Variants in MAP2 observed in about 807,000 individuals in gnomAD.
MAP2 encodes the protein microtubule associated protein 2, also known as microtubule-associated protein 2.
Under a neutral mutation model 137.6 loss-of-function variants are expected in MAP2, and 14 were observed. The ratio of observed to expected loss-of-function variants is 0.10; its 90% CI spans 0.07 to 0.16. The LOEUF is 0.16. Ranked by LOEUF, MAP2 falls within the 10% of genes least tolerant of loss-of-function variation. The pLI is 1.00. For missense variants in MAP2, 2,088 were observed against 2,191.5 expected (o/e 0.95, Z 0.94); for synonymous variants, 786 against 782.3 (o/e 1.00, Z -0.08).
At chr2:209,661,850 C>A (rs183378100) in intron 5 of MAP2, among the ~76,000 whole-genome samples, 4 of 152,188 alleles carry the variant, frequency 2.6e-5, no homozygotes, top group African/African-American at 9.6e-5. Context: ...GTCTTTTATT[C>A]TTGATACAAT....
chr2:209,686,097 G>C (rs2056910993), intron 7 of MAP2, among the ~76,000 whole-genome samples: 1 of 152,204 alleles, frequency 6.6e-6, no homozygotes, highest in African/African-American at 2.4e-5. Context: ...TAGGACATGT[G>C]ACAAGCCAGG....
At chr2:209,456,250 A>C (rs1283287362) in intron 1 of MAP2, among the ~76,000 whole-genome samples, 1 of 152,156 alleles carries the variant, frequency 6.6e-6, no homozygotes, top group Non-Finnish European at 1.5e-5. Context: ...TTATAATCTC[A>C]AACCAAGAAG....
chr2:209,566,562 T>G (rs572411668), intron 2 of MAP2, among the ~76,000 whole-genome samples: 32 of 152,304 alleles, frequency 2.1e-4, no homozygotes, highest in South Asian at 8.3e-4. Context: ...TATTCTTGCT[T>G]CTTCTTCTGA....
intron 5 of MAP2, among the ~76,000 whole-genome samples, chr2:209,664,757 C>G (rs1249029117): frequency 6.6e-6 from 1 of 151,796 alleles, no homozygotes; most frequent in Non-Finnish European, 1.5e-5. Flanking sequence ...GTCAGGAGAT[C>G]GGGACTATCC....
rs1397841556 is a variant in MAP2 at position 209,602,636 on chromosome 2, A to C, written c.-106-22417A>C. On this transcript the variant is annotated intron_variant, in intron 3 of 15. Transcript: ENST00000682079. ...AAGTACACATTCACACTGTGAATCT[A>C]TTTTGATGAACTCAGAAGAAGAGGA... Among the ~76,000 whole-genome samples, 5 of 152,326 alleles carry C rather than the reference A, an allele frequency of 3.3e-5. No individual in the cohort carries two copies. The East Asian group carries it at 9.7e-4, about 29-fold the overall frequency.
chr2:209,724,216 G>C (rs956577249), intron 13 of MAP2, among the ~76,000 whole-genome samples: 1 of 152,138 alleles, frequency 6.6e-6, no homozygotes, highest in Non-Finnish European at 1.5e-5. Context: ...AATTCAAAGT[G>C]AAAGGATTCA....
At chr2:209,497,300 C>T (rs527337151) in intron 1 of MAP2, among the ~76,000 whole-genome samples, 15 of 152,190 alleles carry the variant, frequency 9.9e-5, no homozygotes, top group Non-Finnish European at 2.1e-4. Context: ...AATTTCCCCA[C>T]CCATCTTCAT....
intron 3 of MAP2, among the ~76,000 whole-genome samples, chr2:209,588,788 T>TA (rs568706142): frequency 5.3e-5 from 8 of 150,962 alleles, no homozygotes; most frequent in Non-Finnish European, 8.9e-5. Flanking sequence ...TTCAGAGTCT[T>TA]AAAAAAAAAC....
intron 1 of MAP2, among the ~76,000 whole-genome samples, chr2:209,427,664 T>C (rs1291868537): frequency 6.6e-6 from 1 of 152,262 alleles, no homozygotes; most frequent in South Asian, 2.1e-4. Context: ...AGGAGAGCAC[T>C]TATTACCATT....
chr2:209,490,099 C>T (rs1018316044), intron 1 of MAP2, among the ~76,000 whole-genome samples: 4 of 152,194 alleles, frequency 2.6e-5, no homozygotes, highest in African/African-American at 9.6e-5. Flanking sequence ...ACCTTGCAAG[C>T]CAGAAGAGAG....
At chr2:209,580,206 T>G (rs2076099020) in intron 3 of MAP2, 106 bp downstream of exon 3, 1 of 152,250 alleles carries the variant, frequency 6.6e-6, no homozygotes, top group South Asian at 2.1e-4. Flanking sequence ...ATCCTTAAGC[T>G]TAAGTTGATC....
chr2:209,511,248 T>A (rs12990915), intron 2 of MAP2, among the ~76,000 whole-genome samples: 8,803 of 152,228 alleles, frequency 0.058, 290 homozygotes, highest in South Asian at 0.092. Context: ...TGCTATTTTG[T>A]ATCCGTTTCT....
intron 3 of MAP2, among the ~76,000 whole-genome samples, chr2:209,610,430 A>C (rs947021353): frequency 1.3e-5 from 2 of 151,946 alleles, no homozygotes; most frequent in Non-Finnish European, 2.9e-5. Context: ...CAAAAAGAAA[A>C]TGTGTATTGT....
At chr2:209,499,767 CA>C (rs887463056) in intron 1 of MAP2, among the ~76,000 whole-genome samples, 1 of 151,990 alleles carries the variant, frequency 6.6e-6, no homozygotes, top group Non-Finnish European at 1.5e-5. Flanking sequence ...GAAAGAGAGA[CA>C]GGGGGTGGGG....
intron 1 of MAP2, among the ~76,000 whole-genome samples, chr2:209,471,867 G>C (rs367676551): frequency 6.6e-6 from 1 of 152,026 alleles, no homozygotes; most frequent in East Asian, 1.9e-4. Flanking sequence ...TCTAACTTTA[G>C]TAAGTCCTAA....
chr2:209,612,193 A>G (rs1430491512), intron 3 of MAP2, among the ~76,000 whole-genome samples: 1 of 152,204 alleles, frequency 6.6e-6, no homozygotes, highest in South Asian at 2.1e-4. Flanking sequence ...AATCAACTCT[A>G]TTTTATAGAC....
chr2:209,610,739 C>T (rs2086565514), intron 3 of MAP2, among the ~76,000 whole-genome samples: 2 of 152,106 alleles, frequency 1.3e-5, no homozygotes, highest in South Asian at 4.2e-4. Flanking sequence ...TATATAAAGG[C>T]CATATGTTTC....
rs1429425588 is a variant in MAP2 at position 209,733,889 on chromosome 2, A to T, written c.*3492A>T. On this transcript the variant is annotated 3_prime_UTR_variant, in exon 16 of 16. Coordinates refer to ENST00000682079, the MANE Select transcript of MAP2 (RefSeq NM_001375505.1). The stretch of plus-strand genomic sequence containing the variant: ...TTCAACTTTAGCAAAAAGAAAAAAA[A>T]ATCAACAAAAAGTATACTCTGTATG... 6.6e-6 allele frequency: 1 copy of T among 152,526 alleles called. No individual in the cohort carries two copies. Among genetic ancestry groups the T allele is most frequent in the Non-Finnish European group, 1.5e-5 (1 of 68,024 alleles). The allele number at this position is 152,526 out of a possible 1,614,324, so 9.4% of individuals were successfully genotyped here.
chr2:209,434,707 A>G (rs1695225536), intron 1 of MAP2, among the ~76,000 whole-genome samples: 1 of 150,896 alleles, frequency 6.6e-6, no homozygotes. Flanking sequence ...CTGTAGTCCT[A>G]GCTATTCAGG....
Sources: gnomAD v4.1 joint callset for allele counts (sites outside exome capture counted in the v4.1 genomes callset) on GRCh38, gnomAD v4.1.1 for gene constraint, MANE v1.5 for transcripts, NCBI Gene and HGNC (gene_info 2026-07-23, HGNC 2026-07-21) for gene names.